Variants in CUEDC1 observed in about 807,000 individuals in gnomAD.
The protein encoded by CUEDC1 is CUE domain containing 1.
In CUEDC1, 30 loss-of-function variants were observed where a neutral mutation model predicts 43.7. The observed-to-expected ratio is 0.69, with a 90% CI of 0.51 to 0.93. The LOEUF is 0.93. Among genes scored for constraint, CUEDC1 ranks in the 40% least tolerant of loss-of-function variants. CUEDC1 has a pLI of 0.00. For synonymous variants in CUEDC1, 223 were observed against 223.6 expected (o/e 1.00, Z 0.02); for missense variants, 486 against 549.0 (o/e 0.89, Z 1.15).
intron 1 of CUEDC1, among the ~76,000 whole-genome samples, chr17:57,932,989 C>T (rs2074823344): frequency 6.6e-6 from 1 of 152,182 alleles, no homozygotes; most frequent in African/African-American, 2.4e-5. Context: ...CATCCCTGGC[C>T]TCTACCCACA....
At chr17:57,919,860 C>T (rs1468719453) in intron 1 of CUEDC1, among the ~76,000 whole-genome samples, 3 of 152,160 alleles carry the variant, frequency 2.0e-5, no homozygotes, top group Non-Finnish European at 2.9e-5. Context: ...AAAAGTGCCT[C>T]AGCACAAACA....
chr17:57,885,105 A>C, intron 2 of CUEDC1, 124 bp downstream of exon 2: 1 of 1,441,988 alleles, frequency 6.9e-7, no homozygotes, highest in Non-Finnish European at 9.1e-7. Flanking sequence ...GAACCCAGAT[A>C]GCGGAGTAAC....
chr17:57,927,170 T>G (rs1172890126), intron 1 of CUEDC1, among the ~76,000 whole-genome samples: 1 of 152,070 alleles, frequency 6.6e-6, no homozygotes, highest in African/African-American at 2.4e-5. Context: ...AGAGTGGGGC[T>G]GTTATGGAGG....
chr17:57,866,629 C>G (rs1309636725), intron 9 of CUEDC1, 85 bp from the exon 10 acceptor site: 9 of 1,344,508 alleles, frequency 6.7e-6, no homozygotes, highest in Non-Finnish European at 9.6e-6. Flanking sequence ...AGAGAGCTGA[C>G]CCGACTCTCT....
chr17:57,947,644 C>CA (rs1002631447), intron 1 of CUEDC1, among the ~76,000 whole-genome samples: 3 of 151,752 alleles, frequency 2.0e-5, no homozygotes, highest in African/African-American at 7.3e-5. Context: ...ACTAAAAACA[C>CA]AAAAAAATTA....
chr17:57,916,486 C>T (rs1266009352), intron 1 of CUEDC1, among the ~76,000 whole-genome samples: 1 of 152,238 alleles, frequency 6.6e-6, no homozygotes, highest in Non-Finnish European at 1.5e-5. Context: ...ACAAAGGCTG[C>T]ACCTGTTTCC....
Position 57,954,131 on chromosome 17 carries a change from G to A in CUEDC1, c.-316+1094C>T, listed in dbSNP as rs557030227. On this transcript the variant is annotated intron_variant, in intron 1 of 10. Coordinates refer to ENST00000577830, the MANE Select transcript of CUEDC1 (RefSeq NM_001271875.2). The surrounding 1 kb of genome is among the most constrained non-coding windows in gnomAD (Gnocchi z 4.3). ...CTGGCTATAAAGAAAAGGGGTGAAA[G>A]GCCCAGTACATCTCCCTGAGTCCTT... Among the ~76,000 whole-genome samples, 1 of 152,310 alleles carries A rather than the reference G, an allele frequency of 6.6e-6. No individual in the cohort carries two copies. Among genetic ancestry groups the A allele is most frequent in the African/African-American group, 2.4e-5 (1 of 41,564 alleles).
chr17:57,933,156 T>C (rs962965010), intron 1 of CUEDC1, among the ~76,000 whole-genome samples: 7 of 152,060 alleles, frequency 4.6e-5, no homozygotes, highest in African/African-American at 1.5e-4. Context: ...TACCCCTGCC[T>C]GGGCCCCACC....
intron 1 of CUEDC1, among the ~76,000 whole-genome samples, chr17:57,943,727 A>C (rs2074936272): frequency 6.6e-6 from 1 of 152,106 alleles, no homozygotes; most frequent in Admixed American, 6.6e-5. Context: ...CCCCAAAAAA[A>C]ATCCTTCTCT....
chr17:57,916,383 C>A (rs546860554), intron 1 of CUEDC1, among the ~76,000 whole-genome samples: 16 of 152,230 alleles, frequency 1.1e-4, no homozygotes, highest in Non-Finnish European at 2.2e-4. Flanking sequence ...CCCTGCACTG[C>A]CCCCTCCTCC....
chr17:57,933,976 G>C (rs974227486), intron 1 of CUEDC1, among the ~76,000 whole-genome samples: 1 of 152,152 alleles, frequency 6.6e-6, no homozygotes, highest in Non-Finnish European at 1.5e-5. Context: ...CACCTCTTCA[G>C]ACAAGGCAAA....
intron 6 of CUEDC1, among the ~76,000 whole-genome samples, chr17:57,870,652 C>T (rs956716668): frequency 6.6e-6 from 1 of 151,578 alleles, no homozygotes; most frequent in Non-Finnish European, 1.5e-5. Flanking sequence ...TGAGCCCCAC[C>T]ACGGGGCATT....
intron 1 of CUEDC1, among the ~76,000 whole-genome samples, chr17:57,933,480 A>C (rs1857898481): frequency 1.3e-5 from 2 of 152,138 alleles, no homozygotes; most frequent in African/African-American, 2.4e-5. Flanking sequence ...TCAGATGAAG[A>C]AGCCACTTTC....
chr17:57,907,666 T>C (rs2143037675), intron 1 of CUEDC1, among the ~76,000 whole-genome samples: 1 of 151,986 alleles, frequency 6.6e-6, no homozygotes, highest in Non-Finnish European at 1.5e-5. Context: ...GCCAACATGG[T>C]GAAACCCTGT....
At chr17:57,941,270 C>T (rs1434113602) in intron 1 of CUEDC1, among the ~76,000 whole-genome samples, 2 of 152,194 alleles carry the variant, frequency 1.3e-5, no homozygotes, top group African/African-American at 4.8e-5. Context: ...GCTTTTCTCC[C>T]CCTATCCCAC....
chr17:57,946,174 T>C (rs572366319), intron 1 of CUEDC1, among the ~76,000 whole-genome samples: 7 of 152,144 alleles, frequency 4.6e-5, no homozygotes, highest in Non-Finnish European at 1.0e-4. Context: ...TTACATACCA[T>C]TGGTCTTTTC....
In CUEDC1 at chr17:57,871,478, C is replaced by A. The variant is rs774425365; in HGVS notation, c.785-109G>T. The stretch of plus-strand genomic sequence containing the variant: ...TAGAGGCTAAGTCCCCAGAATCACA[C>A]ATGAGCACACACGGGCACCCAAAAT... On this transcript the variant is annotated intron_variant, in intron 5 of 10. Transcript: ENST00000577830. The A allele has an allele frequency of 4.8e-6, 4 of 829,678 alleles. No homozygotes were observed. In the East Asian group the frequency reaches 1.0e-4, roughly 21 times the overall value. The allele number at this position is 829,678 out of a possible 1,614,324, so 51.4% of individuals were successfully genotyped here. A position where few individuals can be genotyped will look rare whatever the true frequency, so the allele number is the denominator to read the frequency against.
chr17:57,887,295 G>C (rs933882576), intron 1 of CUEDC1, among the ~76,000 whole-genome samples: 6 of 152,122 alleles, frequency 3.9e-5, no homozygotes, highest in Non-Finnish European at 8.8e-5. Flanking sequence ...CTCAAACCCA[G>C]GCATGTAAAT....
intron 1 of CUEDC1, among the ~76,000 whole-genome samples, chr17:57,904,266 C>T (rs114463136): frequency 2.4e-3 from 365 of 152,228 alleles, no homozygotes; most frequent in African/African-American, 8.5e-3. Flanking sequence ...AGAAAAACAC[C>T]CATAACCATC....
Sources: allele counts gnomAD v4.1 joint callset (sites outside exome capture counted in the v4.1 genomes callset), GRCh38; gene constraint gnomAD v4.1.1; non-coding constraint Gnocchi (gnomAD v3.1); transcripts MANE v1.5; gene names NCBI Gene and HGNC (gene_info 2026-07-23, HGNC 2026-07-21).